The following HSPA12A variants were observed in gnomAD, a reference collection of about 807,000 sequenced individuals.
The protein encoded by HSPA12A is heat shock protein family A (Hsp70) member 12A.
A neutral mutation model predicts 69.2 loss-of-function variants in HSPA12A; 28 were observed. The observed-to-expected ratio is 0.40, with a 90% confidence interval of 0.30 to 0.55. HSPA12A has a LOEUF of 0.55. HSPA12A is among the 20% of genes least tolerant of loss of function. The pLI is 0.38. For missense variants in HSPA12A, 686 were observed against 900.7 expected, an observed-to-expected ratio of 0.76 and a Z score of 3.05; for synonymous variants, 345 against 370.5, an observed-to-expected ratio of 0.93 and a Z score of 0.79.
chr10:116,815,891 C>T (rs1389024246), intron 2 of HSPA12A, among the ~76,000 whole-genome samples: 2 of 152,174 alleles, frequency 1.3e-5, no homozygotes, highest in African/African-American at 4.8e-5. Context: ...CCAGGGAATT[C>T]GTGTTTCTGC....
At chr10:116,698,937 C>T (rs1236971049) in intron 4 of HSPA12A, among the ~76,000 whole-genome samples, 198 bp from the exon 5 acceptor site, 1 of 152,100 alleles carries the variant, frequency 6.6e-6, no homozygotes, top group Non-Finnish European at 1.5e-5. Flanking sequence ...GTGTAGGAGG[C>T]TCTGGCTGTC....
At chr10:116,740,243 C>G (rs1851441155) in intron 1 of HSPA12A, among the ~76,000 whole-genome samples, 1 of 152,190 alleles carries the variant, frequency 6.6e-6, no homozygotes, top group African/African-American at 2.4e-5. Flanking sequence ...ATTTCCCACC[C>G]AGGAAGGGGA....
intron 2 of HSPA12A, chr10:116,827,536 T>C (rs747225298): frequency 6.6e-6 from 1 of 152,222 alleles, no homozygotes; most frequent in Non-Finnish European, 1.5e-5. Flanking sequence ...ACCACGTGAG[T>C]GTCACCAACA....
At chr10:116,784,369 A>C (rs1461430581) in intron 2 of HSPA12A, among the ~76,000 whole-genome samples, 1 of 152,220 alleles carries the variant, frequency 6.6e-6, no homozygotes, top group Non-Finnish European at 1.5e-5. Flanking sequence ...CCATTGCCTG[A>C]TTTCTCTGTT....
chr10:116,834,942 G>A (rs944932597), exon 2 of HSPA12A: 140 of 1,230,366 alleles, frequency 1.1e-4, no homozygotes, highest in Admixed American at 2.1e-4. Context: ...TACCTGAAGC[G>A]GCTATTTCCC....
intron 1 of HSPA12A, among the ~76,000 whole-genome samples, chr10:116,842,576 A>G (rs991795409): frequency 1.2e-4 from 18 of 152,282 alleles, no homozygotes; most frequent in African/African-American, 4.3e-4. Context: ...AAAATTATCT[A>G]TTTAAAAATG....
chr10:116,806,148 T>C (rs1564825772), intron 2 of HSPA12A, among the ~76,000 whole-genome samples: 1 of 152,198 alleles, frequency 6.6e-6, no homozygotes, highest in Non-Finnish European at 1.5e-5. Flanking sequence ...TGGCCATCTT[T>C]CCCTAGCATG....
chr10:116,759,492 G>A (rs1345756144), intron 2 of HSPA12A, among the ~76,000 whole-genome samples: 1 of 152,186 alleles, frequency 6.6e-6, no homozygotes. Context: ...GACAGGCAAG[G>A]ACAATGGAGT....
intron 6 of HSPA12A, among the ~76,000 whole-genome samples, chr10:116,687,098 C>A (rs899580995): frequency 1.3e-5 from 2 of 152,192 alleles, no homozygotes; most frequent in Non-Finnish European, 2.9e-5. Flanking sequence ...AACTGTCCCC[C>A]GCCCAGGACA....
intron 2 of HSPA12A, among the ~76,000 whole-genome samples, chr10:116,766,035 C>T (rs1469429331): frequency 2.0e-5 from 3 of 152,178 alleles, no homozygotes; most frequent in African/African-American, 7.2e-5. Context: ...TCCTGTTTGA[C>T]GGCACACACT....
intron 1 of HSPA12A, among the ~76,000 whole-genome samples, chr10:116,736,215 C>A (rs1308108570): frequency 6.6e-6 from 1 of 152,142 alleles, no homozygotes; most frequent in African/African-American, 2.4e-5. Flanking sequence ...CTAAAAGTAA[C>A]AATGTCTCTA....
chr10:116,815,574 C>CA (rs1236094007), intron 2 of HSPA12A, among the ~76,000 whole-genome samples: 3 of 151,842 alleles, frequency 2.0e-5, no homozygotes, highest in South Asian at 4.2e-4. Flanking sequence ...GACCCTGTCT[C>CA]AAAAAAATAA....
chr10:116,734,900 G>A (rs1036686246), intron 1 of HSPA12A, among the ~76,000 whole-genome samples: 1 of 152,046 alleles, frequency 6.6e-6, no homozygotes. Context: ...GCTGAGGCAG[G>A]AGACTGGCAT....
chr10:116,688,179 T>C (rs1048413899), intron 6 of HSPA12A, among the ~76,000 whole-genome samples: 2 of 152,182 alleles, frequency 1.3e-5, no homozygotes, highest in African/African-American at 2.4e-5. Flanking sequence ...CGCTCAGTTC[T>C]TCTTGCCCCA....
At chr10:116,684,919 C>G (rs1288021442) in intron 6 of HSPA12A, among the ~76,000 whole-genome samples, 1 of 151,884 alleles carries the variant, frequency 6.6e-6, no homozygotes, top group Non-Finnish European at 1.5e-5. Context: ...TGAGGATGCT[C>G]AGAGAAACAG....
chr10:116,679,785 G>T, intron 9 of HSPA12A, 24 bp from the exon 10 acceptor site: 1 of 1,607,804 alleles, frequency 6.2e-7, no homozygotes, highest in South Asian at 1.1e-5. Flanking sequence ...AAAAAGGGAG[G>T]CCATGGTGTT....
intron 1 of HSPA12A, among the ~76,000 whole-genome samples, chr10:116,840,792 CTAGA>C (rs71882089): frequency 0.077 from 11,717 of 152,162 alleles, 1,462 homozygotes; most frequent in African/African-American, 0.26. Flanking sequence ...GTTTGTAAGA[CTAGA>C]TAGAGTACAA....
intron 2 of HSPA12A, chr10:116,832,849 C>T (rs1012869223): frequency 6.6e-6 from 1 of 152,184 alleles, no homozygotes; most frequent in African/African-American, 2.4e-5. Context: ...CTTATTTATG[C>T]CATCTTACTC....
chr10:116,773,817 T>C (rs1362493770), intron 2 of HSPA12A, among the ~76,000 whole-genome samples: 3 of 152,164 alleles, frequency 2.0e-5, no homozygotes, highest in African/African-American at 4.8e-5. Flanking sequence ...GTAATGATGA[T>C]GACGATGATG....
Sources: gnomAD v4.1 joint callset for allele counts (sites outside exome capture counted in the v4.1 genomes callset) on GRCh38, gnomAD v4.1.1 for gene constraint, MANE v1.5 for transcripts, NCBI Gene and HGNC (gene_info 2026-07-23, HGNC 2026-07-21) for gene names.